The following DLC1 variants were observed in gnomAD, a reference collection of about 807,000 sequenced individuals.
The protein encoded by DLC1 is rho GTPase-activating protein 7.
In DLC1, 54 loss-of-function variants were observed where a neutral mutation model predicts 140.3. The ratio of observed to expected loss-of-function variants is 0.38; its 90% CI spans 0.31 to 0.48. The LOEUF is 0.48. DLC1 is among the 20% of genes least tolerant of loss of function. The probability of loss-of-function intolerance (pLI) is 0.96; values close to 1 mark genes in which losing one functional copy is unlikely to be tolerated. For missense variants in DLC1, 2,536 were observed against 1,907.0 expected (o/e 1.33, Z -6.14); for synonymous variants, 986 against 728.1 (o/e 1.35, Z -5.70).
rs369286888 is a variant in DLC1, at chr8:13,576,233, C to G, written c.-126+28304G>C. Among the ~76,000 whole-genome samples the G allele has an allele frequency of 1.4e-4, 21 of 152,114 alleles. No homozygotes were observed. The East Asian group carries it at 2.1e-3, about 15-fold the overall frequency. ...CGCATTGCTGTTCATTCATTAAATC[C>G]CAAGGGATTCCCAGGTAGTTAAGGG... On this transcript the variant is annotated intron_variant, in intron 1 of 1. Coordinates refer to the DLC1 transcript ENST00000631382.
intron 6 of DLC1, among the ~76,000 whole-genome samples, 171 bp from the exon 7 acceptor site, chr8:13,110,994 C>T (rs1012470126): frequency 7.9e-5 from 12 of 152,142 alleles, no homozygotes; most frequent in East Asian, 5.8e-4. Flanking sequence ...TGAAGCCAAT[C>T]GGGCATCACT....
chr8:13,344,126 A>C (rs546065097), intron 4 of DLC1, among the ~76,000 whole-genome samples: 1 of 152,320 alleles, frequency 6.6e-6, no homozygotes, highest in East Asian at 1.9e-4. Context: ...CATATTCAGT[A>C]CTTACACCAA....
chr8:13,539,256 G>A (rs1280315903), intron 1 of DLC1, among the ~76,000 whole-genome samples: 1 of 152,022 alleles, frequency 6.6e-6, no homozygotes, highest in Non-Finnish European at 1.5e-5. Flanking sequence ...CTGGAGTGCA[G>A]TGGCGCAATC....
At chr8:13,449,031 T>C (rs1043057260) in intron 2 of DLC1, among the ~76,000 whole-genome samples, 1 of 152,180 alleles carries the variant, frequency 6.6e-6, no homozygotes, top group Non-Finnish European at 1.5e-5. Flanking sequence ...AGGCATTTCA[T>C]GGATTACTGA....
At chr8:13,506,350 A>G (rs1802065476) in intron 1 of DLC1, among the ~76,000 whole-genome samples, 1 of 151,832 alleles carries the variant, frequency 6.6e-6, no homozygotes, top group Admixed American at 6.6e-5. Flanking sequence ...TCTATTAAAT[A>G]TCCTGAATAT....
chr8:13,332,341 A>G (rs1586152517), intron 4 of DLC1, among the ~76,000 whole-genome samples: 1 of 152,010 alleles, frequency 6.6e-6, no homozygotes, highest in African/African-American at 2.4e-5. Context: ...CAAGAAGTAT[A>G]CCTGAGAGTC....
chr8:13,345,409 G>C (rs1397908081), intron 4 of DLC1, among the ~76,000 whole-genome samples: 1 of 151,980 alleles, frequency 6.6e-6, no homozygotes, highest in Non-Finnish European at 1.5e-5. Context: ...ATAGATAAAG[G>C]TTACCTGGGA....
rs749582558 is a variant in DLC1 at position 13,086,355 on chromosome 8, C to T, written c.4401G>A (p.Arg1467=). ...CTGGCCCACAGGGTTCAATCAAATA[C>T]CTGGACAAGAGCACATTAACCCTCA... The part of the protein sequence containing the change: ...VGVRVNVLLS[R]YLIEPCGPGK... The change falls in exon 17 of 18, where the codon AGG becomes AGA. Residue 1467 remains arginine (R), a synonymous_variant. Coordinates refer to ENST00000276297, the MANE Select transcript of DLC1 (RefSeq NM_182643.3). 12 of 1,614,052 alleles carry T rather than the reference C, an allele frequency of 7.4e-6. No individual in the cohort carries two copies. Among genetic ancestry groups the T allele is most frequent in the African/African-American group, 2.7e-5 (2 of 74,920 alleles).
chr8:13,442,394 A>T (rs549247072), intron 2 of DLC1, among the ~76,000 whole-genome samples: 1 of 152,296 alleles, frequency 6.6e-6, no homozygotes, highest in African/African-American at 2.4e-5. Flanking sequence ...CAGCAAAAGA[A>T]ACTACCATCA....
At chr8:13,108,812 C>T (rs538758976) in intron 7 of DLC1, among the ~76,000 whole-genome samples, 3 of 152,276 alleles carry the variant, frequency 2.0e-5, no homozygotes, top group Admixed American at 6.5e-5. Context: ...CACAGCTAAG[C>T]ATGAAAACAT....
At chr8:13,563,835 C>CAAA (rs1325833419) in intron 1 of DLC1, among the ~76,000 whole-genome samples, 1 of 152,050 alleles carries the variant, frequency 6.6e-6, no homozygotes, top group Non-Finnish European at 1.5e-5. Flanking sequence ...TCAAATAATG[C>CAAA]AAAACCACCT....
At chr8:13,144,482 C>G (rs1240588951) in intron 5 of DLC1, among the ~76,000 whole-genome samples, 4 of 152,146 alleles carry the variant, frequency 2.6e-5, no homozygotes, top group Non-Finnish European at 5.9e-5. Flanking sequence ...AATTATCTCT[C>G]GGGCCCAGCA....
At chr8:13,128,701 C>G (rs1821803457) in intron 5 of DLC1, among the ~76,000 whole-genome samples, 1 of 151,992 alleles carries the variant, frequency 6.6e-6, no homozygotes, top group Non-Finnish European at 1.5e-5. Flanking sequence ...GGCATTGTGG[C>G]GGCGCCTACT....
intron 4 of DLC1, among the ~76,000 whole-genome samples, chr8:13,360,876 A>G (rs1026380018): frequency 7.6e-6 from 1 of 131,238 alleles, no homozygotes; most frequent in Non-Finnish European, 1.8e-5. Context: ...TTTTATACAC[A>G]TTATTTTTTT....
At chr8:13,184,966 A>T (rs187671308) in intron 5 of DLC1, among the ~76,000 whole-genome samples, 1,695 of 152,158 alleles carry the variant, frequency 0.011, 13 homozygotes, top group South Asian at 0.037. Context: ...GACTTGCTTT[A>T]TGAATCTGGG....
chr8:13,353,142 T>TTG lies in DLC1; in HGVS notation c.1314+40409_1314+40410dup, dbSNP rs566823866. Reference sequence around the variant, plus strand: ...AAGGTGGCTATACGTGGCTTTCCTCTTGTCTGCAAATGAGGCAGGTTAGAG... The same window carrying TTG: ...AAGGTGGCTATACGTGGCTTTCCTCTTGTGTCTGCAAATGAGGCAGGTTAGAG... On this transcript the variant is annotated intron_variant, in intron 4 of 17. Coordinates refer to ENST00000276297, the MANE Select transcript of DLC1 (RefSeq NM_182643.3). Among the ~76,000 whole-genome samples the TTG allele has an allele frequency of 4.6e-5, 7 of 152,318 alleles. No homozygotes were observed. The South Asian group carries it at 1.2e-3, about 27-fold the overall frequency.
intron 5 of DLC1, among the ~76,000 whole-genome samples, chr8:13,295,353 T>C (rs1419275555): frequency 6.6e-6 from 1 of 152,200 alleles, no homozygotes; most frequent in African/African-American, 2.4e-5. Flanking sequence ...TTTAGTTAAG[T>C]AGAAATTTAA....
At chr8:13,102,741 T>C (rs1819200312) in intron 8 of DLC1, 49 bp downstream of exon 8, 1 of 1,522,292 alleles carries the variant, frequency 6.6e-7, no homozygotes, top group African/African-American at 1.4e-5. Context: ...ATTCACTTTT[T>C]TGTTTGCCCC....
chr8:13,417,207 T>TTTA (rs975355303), intron 2 of DLC1, among the ~76,000 whole-genome samples: 135 of 151,850 alleles, frequency 8.9e-4, no homozygotes, highest in African/African-American at 2.6e-3. Context: ...CCTACTTTTC[T>TTTA]TTATTATTAT....
Sources: allele counts gnomAD v4.1 joint callset (sites outside exome capture counted in the v4.1 genomes callset), GRCh38; gene constraint gnomAD v4.1.1; transcripts MANE v1.5; gene names NCBI Gene and HGNC (gene_info 2026-07-23, HGNC 2026-07-21).